MGAT4A: variants seen among roughly 807,000 people sequenced by gnomAD.
MGAT4A encodes the protein N-acetylglucosaminyltransferase IVa.
In MGAT4A, 33 loss-of-function variants were observed where a neutral mutation model predicts 74.1. That is an observed-to-expected ratio of 0.45 (90% confidence interval 0.34 to 0.60). The LOEUF (loss-of-function observed/expected upper bound fraction) is 0.60. Among genes scored for constraint, MGAT4A ranks in the 20% least tolerant of loss-of-function variants. The pLI is 0.02. For synonymous variants in MGAT4A, 198 were observed against 210.4 expected (o/e 0.94, Z 0.51); for missense variants, 479 against 628.3 (o/e 0.76, Z 2.54).
chr2:98,671,029 T>C (rs1701904451), intron 4 of MGAT4A, among the ~76,000 whole-genome samples: 2 of 152,354 alleles, frequency 1.3e-5, no homozygotes, highest in East Asian at 1.9e-4. Context: ...CAGTGTCTAT[T>C]GTCCCCTATC....
Position 98,624,255 on chromosome 2 carries a change from G to A in MGAT4A, c.*1311C>T, listed in dbSNP as rs1421566135. 8.5e-6 allele frequency: 6 copies of A among 702,822 alleles called. No individual in the cohort carries two copies. The highest frequency in any genetic ancestry group is 7.0e-6 in the Non-Finnish European group (4 of 572,374). 43.5% of individuals were successfully genotyped at this position (702,822 alleles called of 1,614,324 possible). A position where few individuals can be genotyped will look rare whatever the true frequency, so the allele number is the denominator to read the frequency against. ...TCTTGATCTCCTGACCTCGTGATCC[G>A]CCCGCCTCGGCCTCCCAAAGTGCTG... On this transcript the variant is annotated 3_prime_UTR_variant, in exon 16 of 16. Transcript: ENST00000393487.
intron 4 of MGAT4A, among the ~76,000 whole-genome samples, chr2:98,674,613 T>C (rs1475168019): frequency 6.6e-6 from 1 of 152,194 alleles, no homozygotes; most frequent in Non-Finnish European, 1.5e-5. Context: ...TTTCTACTAC[T>C]CCATAAAAAG....
intron 2 of MGAT4A, among the ~76,000 whole-genome samples, chr2:98,696,768 T>C (rs1702280428): frequency 6.6e-6 from 1 of 152,164 alleles, no homozygotes; most frequent in Admixed American, 6.5e-5. Context: ...CTATCCCCTA[T>C]GAAACAGCAG....
In MGAT4A at chr2:98,640,196, T is replaced by C. The variant is rs1001786864; in HGVS notation, c.1053A>G (p.Arg351=). 1 of 1,614,056 alleles carries C rather than the reference T, an allele frequency of 6.2e-7. No individual in the cohort carries two copies. Among genetic ancestry groups the C allele is most frequent in the Non-Finnish European group, 8.5e-7 (1 of 1,179,944 alleles). ...KHCDRQKANL[R]IRFRPSLFQH... is the part of the protein sequence containing the mutation. ...GGAAAAGGGAAGGTCTGAAGCGAATTCGCAGATTTGCTTTCTGTCTATCAC... is the reference window on the plus strand; with the variant it reads ...GGAAAAGGGAAGGTCTGAAGCGAATCCGCAGATTTGCTTTCTGTCTATCAC... Residue 351 remains arginine, a synonymous_variant, in exon 11 of 16, where the codon CGA becomes CGG. Transcript: ENST00000393487.
chr2:98,625,770 G>T lies in MGAT4A; in HGVS notation c.1534C>A (p.Arg512=), dbSNP rs1468578249. 2 of 1,611,750 alleles carry T rather than the reference G, an allele frequency of 1.2e-6. No individual in the cohort carries two copies. The highest frequency in any genetic ancestry group is 1.7e-6 in the Non-Finnish European group (2 of 1,178,550). Reference sequence around the variant, plus strand: ...GCAGAATTCTGAATAACTGAAAGTCGAAAGGCTGAAATGGGATTGAGACTT... The same window carrying T: ...GCAGAATTCTGAATAACTGAAAGTCTAAAGGCTGAAATGGGATTGAGACTT... ...DPSLNPISAF[R]LSVIQNSAVW... The change falls in exon 15 of 16, where the codon CGA becomes AGA. Residue 512 remains arginine (R), a synonymous_variant. Transcript: ENST00000393487.
chr2:98,621,708 A>T lies in MGAT4A; in HGVS notation c.*3858T>A. Reference sequence around the variant, plus strand: ...AATATACACTGTTATTCACTAGAATAATCTCTCCAAACGTGCTGTTTCCAC... The same window carrying T: ...AATATACACTGTTATTCACTAGAATTATCTCTCCAAACGTGCTGTTTCCAC... On this transcript the variant is annotated 3_prime_UTR_variant, in exon 16 of 16. Transcript: ENST00000393487. 7.5e-7 allele frequency: 1 copy of T among 1,341,618 alleles called. No homozygotes were observed. The highest frequency in any genetic ancestry group is 9.6e-7 in the Non-Finnish European group (1 of 1,046,464). The allele number at this position is 1,341,618 out of a possible 1,614,324, so 83.1% of individuals were successfully genotyped here. A position where few individuals can be genotyped will look rare whatever the true frequency, so the allele number is the denominator to read the frequency against.
chr2:98,674,623 G>T (rs1416920478), intron 4 of MGAT4A, among the ~76,000 whole-genome samples: 1 of 152,094 alleles, frequency 6.6e-6, no homozygotes, highest in Non-Finnish European at 1.5e-5. Flanking sequence ...TCCATAAAAA[G>T]TTACATAAAA....
intron 2 of MGAT4A, among the ~76,000 whole-genome samples, chr2:98,690,141 T>C (rs1210797983): frequency 2.6e-5 from 4 of 152,114 alleles, no homozygotes; most frequent in Non-Finnish European, 4.4e-5. Flanking sequence ...CATGGTCCCA[T>C]CCCCACTCTA....
At chr2:98,666,840 T>C (rs1701838505) in intron 4 of MGAT4A, among the ~76,000 whole-genome samples, 1 of 152,170 alleles carries the variant, frequency 6.6e-6, no homozygotes, top group Non-Finnish European at 1.5e-5. Flanking sequence ...AAAGTCACAA[T>C]GCAAATTCTC....
intron 4 of MGAT4A, among the ~76,000 whole-genome samples, chr2:98,665,112 G>A (rs573710394): frequency 1.5e-3 from 226 of 152,004 alleles, no homozygotes; most frequent in African/African-American, 5.1e-3. Flanking sequence ...GGTGGATCAC[G>A]AGGTCAGGAG....
intron 11 of MGAT4A, 44 bp from the exon 12 acceptor site, chr2:98,640,045 T>C (rs753154691): frequency 1.5e-5 from 23 of 1,560,498 alleles, no homozygotes; most frequent in Non-Finnish European, 1.9e-5. Flanking sequence ...ACACAGCTTA[T>C]TTAAGAAGAA....
At chr2:98,630,823 A>T (rs1701220719) in intron 14 of MGAT4A, among the ~76,000 whole-genome samples, 1 of 152,216 alleles carries the variant, frequency 6.6e-6, no homozygotes, top group Non-Finnish European at 1.5e-5. Flanking sequence ...AAGACTTAAG[A>T]CTACCCTTTT....
chr2:98,709,127 C>A (rs995880256), intron 2 of MGAT4A, among the ~76,000 whole-genome samples: 1 of 152,108 alleles, frequency 6.6e-6, no homozygotes, highest in African/African-American at 2.4e-5. Flanking sequence ...GTCTTCATGT[C>A]AAACAGGGAT....
intron 2 of MGAT4A, among the ~76,000 whole-genome samples, chr2:98,700,390 T>C (rs889024487): frequency 3.8e-4 from 57 of 149,342 alleles, no homozygotes; most frequent in African/African-American, 1.2e-3. Flanking sequence ...CATATTAGTA[T>C]ATACTCTATA....
At chr2:98,686,351 G>A (rs1289281104) in intron 2 of MGAT4A, among the ~76,000 whole-genome samples, 1 of 152,128 alleles carries the variant, frequency 6.6e-6, no homozygotes, top group East Asian at 1.9e-4. Flanking sequence ...GGCTATGGTT[G>A]AAATATTTTC....
rs148871896 is a variant in MGAT4A, at chr2:98,705,317, G to A, written c.94+20922C>T. On this transcript the variant is annotated intron_variant, in intron 2 of 15. Coordinates refer to ENST00000393487, the MANE Select transcript of MGAT4A (RefSeq NM_012214.3). Reference sequence around the variant, plus strand: ...TGATCTTAAATGATGGTTCTAGATCGCAGGGAGCTTCATTCACCAGCATGC... The same window carrying A: ...TGATCTTAAATGATGGTTCTAGATCACAGGGAGCTTCATTCACCAGCATGC... Among the ~76,000 whole-genome samples, 1,362 of 152,190 alleles carry A rather than the reference G, an allele frequency of 8.9e-3. 19 individuals carry two copies. Among genetic ancestry groups the A allele is most frequent in the Middle Eastern group, 0.02 (6 of 294 alleles).
At chr2:98,626,165 T>TAA (rs1183558803) in intron 14 of MGAT4A, among the ~76,000 whole-genome samples, 1 of 152,204 alleles carries the variant, frequency 6.6e-6, no homozygotes, top group Non-Finnish European at 1.5e-5. Flanking sequence ...ACCTAAATCT[T>TAA]ACCAAAATAT....
At chr2:98,635,015 G>A (rs1701297559) in intron 14 of MGAT4A, among the ~76,000 whole-genome samples, 1 of 152,098 alleles carries the variant, frequency 6.6e-6, no homozygotes, top group Non-Finnish European at 1.5e-5. Flanking sequence ...ACACAGCACG[G>A]AAGGAGCGAG....
At chr2:98,652,476 C>T (rs1051033285) in intron 8 of MGAT4A, among the ~76,000 whole-genome samples, 1 of 151,858 alleles carries the variant, frequency 6.6e-6, no homozygotes, top group African/African-American at 2.4e-5. Context: ...GACTACTAGG[C>T]GCCCGCCACC....
Sources: allele counts gnomAD v4.1 joint callset (sites outside exome capture counted in the v4.1 genomes callset), GRCh38; gene constraint gnomAD v4.1.1; transcripts MANE v1.5; gene names NCBI Gene and HGNC (gene_info 2026-07-23, HGNC 2026-07-21).